The following RARB variants were observed in gnomAD, a reference collection of about 807,000 sequenced individuals.
The protein encoded by RARB is retinoic acid receptor beta.
In RARB, 17 loss-of-function variants were observed where a neutral mutation model predicts 51.9. The observed-to-expected ratio is 0.33, with a 90% CI of 0.22 to 0.49. The LOEUF (loss-of-function observed/expected upper bound fraction) is 0.49, where lower values mean the gene tolerates loss of function less well. Ranked by LOEUF, RARB falls within the 20% of genes least tolerant of loss-of-function variation. The pLI, the probability that RARB is intolerant of heterozygous loss-of-function variation, is 0.99. For synonymous variants in RARB, 215 were observed against 195.4 expected (o/e 1.10, Z -0.84); for missense variants, 369 against 550.8 (o/e 0.67, Z 3.30).
At position 24,940,429 on chromosome 3, in the gene RARB, A is replaced by G. The variant is rs559860149; in HGVS notation, c.-380+81677A>G. ...TTGTTTAAAGATAAAAATTAATTCTATTTCCTCTTTTTACAACAAGAGAAG... is the reference window on the plus strand; with the variant it reads ...TTGTTTAAAGATAAAAATTAATTCTGTTTCCTCTTTTTACAACAAGAGAAG... On this transcript the variant is annotated intron_variant, in intron 2 of 11. Coordinates refer to the RARB transcript ENST00000383772. Among the ~76,000 whole-genome samples the G allele has an allele frequency of 6.7e-5, 9 of 134,468 alleles. No homozygotes were observed. The East Asian group carries it at 2.2e-3, about 33-fold the overall frequency. The allele number at this position is 134,468 out of a possible 152,430, so 88.2% of individuals were successfully genotyped here.
chr3:25,303,136 C>T (rs11924566), intron 5 of RARB, among the ~76,000 whole-genome samples: 2,921 of 152,232 alleles, frequency 0.019, 75 homozygotes, highest in African/African-American at 0.062. Flanking sequence ...TACAGACAAC[C>T]TCTTGACATG....
intron 2 of RARB, among the ~76,000 whole-genome samples, chr3:25,011,309 G>A (rs1263824622): frequency 6.6e-6 from 1 of 151,954 alleles, no homozygotes; most frequent in African/African-American, 2.4e-5. Flanking sequence ...GTTCTAAATA[G>A]CACGTTCAAG....
At chr3:25,405,787 A>G (rs376603879) in intron 5 of RARB, among the ~76,000 whole-genome samples, 8 of 152,212 alleles carry the variant, frequency 5.3e-5, no homozygotes, top group Non-Finnish European at 1.0e-4. Context: ...TTATTGGACA[A>G]TGCTGCTCTG....
chr3:25,539,561 C>A (rs1699287156), intron 3 of RARB, among the ~76,000 whole-genome samples: 1 of 132,668 alleles, frequency 7.5e-6, no homozygotes, highest in Non-Finnish European at 1.5e-5. Flanking sequence ...TTTTTTTGGC[C>A]TATTTTTTCC....
At chr3:25,388,901 G>A (rs1339247838) in intron 5 of RARB, among the ~76,000 whole-genome samples, 1 of 152,138 alleles carries the variant, frequency 6.6e-6, no homozygotes, top group Admixed American at 6.6e-5. Context: ...TTTCTTCAAA[G>A]TTGTAAGAGG....
intron 2 of RARB, among the ~76,000 whole-genome samples, chr3:24,888,616 T>G (rs1703311624): frequency 6.6e-6 from 1 of 152,138 alleles, no homozygotes; most frequent in South Asian, 2.1e-4. Flanking sequence ...AGTAAAAAAT[T>G]TAACTGTATA....
chr3:25,094,042 C>T (rs1228849776), intron 3 of RARB, among the ~76,000 whole-genome samples: 1 of 152,168 alleles, frequency 6.6e-6, no homozygotes, highest in Non-Finnish European at 1.5e-5. Flanking sequence ...AGCAAACTAG[C>T]TTGTAAGTGG....
chr3:25,595,427 C>T (rs76489653), intron 7 of RARB, among the ~76,000 whole-genome samples: 209 of 152,274 alleles, frequency 1.4e-3, no homozygotes, highest in African/African-American at 4.8e-3. Context: ...AGTCTTAACT[C>T]GAGCTCCTTC....
intron 5 of RARB, among the ~76,000 whole-genome samples, chr3:25,202,551 T>A (rs947704352): frequency 6.6e-6 from 1 of 152,214 alleles, no homozygotes; most frequent in African/African-American, 2.4e-5. Flanking sequence ...AGATCTTTCC[T>A]GCTTTGTCTT....
intron 5 of RARB, among the ~76,000 whole-genome samples, chr3:25,195,295 G>A (rs1485582377): frequency 6.6e-6 from 1 of 151,926 alleles, no homozygotes; most frequent in Non-Finnish European, 1.5e-5. Flanking sequence ...CTTAAGAATA[G>A]GTAGTGTCAT....
At chr3:25,194,858 G>C (rs986604677) in intron 5 of RARB, among the ~76,000 whole-genome samples, 1 of 151,868 alleles carries the variant, frequency 6.6e-6, no homozygotes, top group Non-Finnish European at 1.5e-5. Flanking sequence ...TCTGGTCTGT[G>C]CCACTTTGAA....
intron 5 of RARB, among the ~76,000 whole-genome samples, chr3:25,259,588 A>C (rs1425712820): frequency 6.6e-6 from 1 of 152,134 alleles, no homozygotes; most frequent in Non-Finnish European, 1.5e-5. Flanking sequence ...TACTGACTGG[A>C]CTTCACATGA....
chr3:25,516,200 C>A (rs6781783), intron 3 of RARB, among the ~76,000 whole-genome samples: 5,374 of 152,182 alleles, frequency 0.035, 300 homozygotes, highest in African/African-American at 0.12. Context: ...GCTATGCACT[C>A]CAAATTAACA....
At chr3:25,371,740 T>C (rs535950673) in intron 5 of RARB, among the ~76,000 whole-genome samples, 2 of 152,368 alleles carry the variant, frequency 1.3e-5, no homozygotes, top group Non-Finnish European at 2.9e-5. Context: ...ATGAAGTTTA[T>C]TCATTCAAAA....
chr3:24,903,935 A>G (rs941968406), intron 2 of RARB, among the ~76,000 whole-genome samples: 8 of 152,192 alleles, frequency 5.3e-5, no homozygotes, highest in Non-Finnish European at 1.0e-4. Flanking sequence ...ACTAAAAGTA[A>G]AAACCATATT....
intron 2 of RARB, among the ~76,000 whole-genome samples, chr3:24,879,059 T>G (rs1703104739): frequency 6.6e-6 from 1 of 152,174 alleles, no homozygotes; most frequent in Admixed American, 6.5e-5. Context: ...TCTTTTATGT[T>G]TTATATATTT....
intron 2 of RARB, among the ~76,000 whole-genome samples, chr3:24,980,628 C>T (rs1442294193): frequency 1.3e-5 from 2 of 152,134 alleles, no homozygotes; most frequent in Admixed American, 6.5e-5. Flanking sequence ...GTCATTTAAG[C>T]TCTTCTCTAC....
At chr3:25,325,952 C>A (rs1704704622) in intron 5 of RARB, among the ~76,000 whole-genome samples, 2 of 152,164 alleles carry the variant, frequency 1.3e-5, no homozygotes, top group African/African-American at 2.4e-5. Context: ...CCTGTTGAGA[C>A]CATGCAAGAG....
At chr3:24,896,817 A>G (rs1203004562) in intron 2 of RARB, among the ~76,000 whole-genome samples, 1 of 152,190 alleles carries the variant, frequency 6.6e-6, no homozygotes, top group Non-Finnish European at 1.5e-5. Flanking sequence ...GTCTCCTACA[A>G]TGGAAAAATA....
Sources: gnomAD v4.1 joint callset for allele counts (sites outside exome capture counted in the v4.1 genomes callset) on GRCh38, gnomAD v4.1.1 for gene constraint, MANE v1.5 for transcripts, NCBI Gene and HGNC (gene_info 2026-07-23, HGNC 2026-07-21) for gene names.